JMY: variants seen among roughly 807,000 people sequenced by gnomAD.
The protein encoded by JMY is junction-mediating and -regulatory protein.
JMY carries 46 observed loss-of-function variants against 103.3 expected under a neutral mutation model. That is an observed-to-expected ratio of 0.45 (90% CI 0.35 to 0.57). JMY has a LOEUF of 0.57. JMY is among the 20% of genes least tolerant of loss of function. The pLI is 0.00. For synonymous variants in JMY, 526 were observed against 489.3 expected (o/e 1.07, Z -0.99); for missense variants, 1,238 against 1,255.2 (o/e 0.99, Z 0.21).
chr5:79,284,839 T>C, intron 2 of JMY: 9 of 1,574,496 alleles, frequency 5.7e-6, no homozygotes, highest in Non-Finnish European at 7.8e-6. Flanking sequence ...CCAATCTTTC[T>C]TAGAAAATGG....
intron 4 of JMY, among the ~76,000 whole-genome samples, chr5:79,292,114 A>C (rs1436814134): frequency 2.0e-5 from 3 of 152,136 alleles, no homozygotes; most frequent in Non-Finnish European, 2.9e-5. Context: ...AACTTGGCTT[A>C]TCCGGGAAAT....
chr5:79,284,403 G>A (rs554896464), intron 2 of JMY: 16 of 1,388,474 alleles, frequency 1.2e-5, no homozygotes, highest in Admixed American at 3.3e-5. Flanking sequence ...TGCACCTCTC[G>A]GGTCATGATT....
At chr5:79,250,723 A>G (rs1177386943) in intron 1 of JMY, among the ~76,000 whole-genome samples, 1 of 146,606 alleles carries the variant, frequency 6.8e-6, no homozygotes, top group Non-Finnish European at 1.5e-5. Flanking sequence ...ACACTTCACT[A>G]GAAATTTTAC....
intron 1 of JMY, among the ~76,000 whole-genome samples, chr5:79,249,600 G>A (rs980313519): frequency 1.3e-5 from 2 of 152,118 alleles, no homozygotes; most frequent in Non-Finnish European, 2.9e-5. Flanking sequence ...ATGAATGGAG[G>A]AACAGGTATT....
chr5:79,320,836 T>A (rs1747427171), intron 10 of JMY, among the ~76,000 whole-genome samples: 1 of 152,218 alleles, frequency 6.6e-6, no homozygotes, highest in Non-Finnish European at 1.5e-5. Context: ...TTTTTCACAC[T>A]AAGTCTTCAA....
intron 1 of JMY, among the ~76,000 whole-genome samples, chr5:79,240,419 T>G (rs1189985655): frequency 6.6e-6 from 1 of 152,048 alleles, no homozygotes; most frequent in Non-Finnish European, 1.5e-5. Context: ...CAAGCAGTTC[T>G]CCTTGCTCAG....
Position 79,276,112 on chromosome 5 carries a change from A to G in JMY, c.1033-1798A>G, listed in dbSNP as rs80085753. Reference sequence around the variant, plus strand: ...TCTGTATTAGTTCTTTTCATTTGTTATTTTTATGTATTTACTTGCCTTTTG... The same window carrying G: ...TCTGTATTAGTTCTTTTCATTTGTTGTTTTTATGTATTTACTTGCCTTTTG... On this transcript the variant is annotated intron_variant, in intron 1 of 10. Transcript: ENST00000396137. 1.2e-4 allele frequency among the ~76,000 whole-genome samples: 18 copies of G among 152,132 alleles called. No homozygotes were observed. The East Asian group carries it at 3.5e-3, about 29-fold the overall frequency.
intron 8 of JMY, 46 bp downstream of exon 8, chr5:79,312,544 T>C: frequency 1.7e-6 from 2 of 1,143,588 alleles, no homozygotes; most frequent in Non-Finnish European, 2.5e-6. Context: ...TTTTTTTTTT[T>C]TTTAACAGAG....
chr5:79,291,404 A>G, intron 4 of JMY, 105 bp downstream of exon 4: 1 of 934,270 alleles, frequency 1.1e-6, no homozygotes, highest in Non-Finnish European at 1.6e-6. Flanking sequence ...ATTTTATGCC[A>G]TCTTCATGAG....
rs1744516225 is a variant in JMY, at chr5:79,236,772, A to G, written c.122A>G (p.Lys41Arg). The G allele has an allele frequency of 4.0e-6, 6 of 1,512,078 alleles. No homozygotes were observed. The highest frequency in any genetic ancestry group is 5.3e-6 in the Non-Finnish European group (6 of 1,128,768). The allele number at this position is 1,512,078 out of a possible 1,614,324, so 93.7% of individuals were successfully genotyped here. Residue 41 changes from lysine to arginine, a missense_variant, in exon 1 of 11, where the codon AAG (lysine) becomes AGG (arginine). By Grantham distance (26) the Lys-to-Arg change is conservative. Transcript: ENST00000396137. The part of the protein sequence containing the change: ...FIVAWNEIEG[K>R]FAITCHNRTA... The stretch of plus-strand genomic sequence containing the variant: ...GTGGCCTGGAACGAGATTGAGGGCA[A>G]GTTTGCCATAACCTGCCACAACCGG...
chr5:79,292,202 A>G (rs965683916), intron 4 of JMY, among the ~76,000 whole-genome samples: 34 of 152,206 alleles, frequency 2.2e-4, no homozygotes, highest in African/African-American at 7.9e-4. Flanking sequence ...TTTCTACTAT[A>G]ATATCCTTTT....
intron 1 of JMY, among the ~76,000 whole-genome samples, chr5:79,241,834 C>T (rs1458664506): frequency 6.6e-6 from 1 of 152,144 alleles, no homozygotes; most frequent in East Asian, 1.9e-4. Flanking sequence ...GACACTGAAT[C>T]AGTCCTTAAA....
intron 8 of JMY, 31 bp downstream of exon 8, chr5:79,312,529 T>TTA: frequency 8.1e-7 from 1 of 1,242,016 alleles, no homozygotes; most frequent in Non-Finnish European, 1.1e-6. Flanking sequence ...TTTATTGTTT[T>TTA]TCTTTTTTTT....
chr5:79,276,633 A>C (rs1161857529), intron 1 of JMY, among the ~76,000 whole-genome samples: 1 of 151,636 alleles, frequency 6.6e-6, no homozygotes, highest in Non-Finnish European at 1.5e-5. Context: ...TTTTGAGACG[A>C]GTCTCACTCT....
intron 2 of JMY, among the ~76,000 whole-genome samples, chr5:79,285,412 G>T (rs1483343501): frequency 6.6e-6 from 1 of 152,066 alleles, no homozygotes; most frequent in East Asian, 1.9e-4. Context: ...CCCTTGGCTG[G>T]GTGCTATTTA....
chr5:79,318,514 T>A (rs2112124830), intron 10 of JMY, among the ~76,000 whole-genome samples: 2 of 152,264 alleles, frequency 1.3e-5, no homozygotes, highest in Admixed American at 1.3e-4. Flanking sequence ...AGGTAAATAT[T>A]CCTGTAGTAC....
chr5:79,243,216 G>A (rs927504149), intron 1 of JMY, among the ~76,000 whole-genome samples: 1 of 152,116 alleles, frequency 6.6e-6, no homozygotes, highest in African/African-American at 2.4e-5. Flanking sequence ...TGTTTAACAG[G>A]TGTCCTCCCA....
At position 79,312,406 on chromosome 5, in the gene JMY, A is replaced by C; in HGVS notation, c.1972A>C (p.Arg658=). The change falls in exon 8 of 11, where the codon AGA becomes CGA. Residue 658 remains arginine, a synonymous_variant. Transcript: ENST00000396137. The part of the protein sequence containing the change: ...YRTHHTVQLK[R]EKLHDEEERK... Reference sequence around the variant, plus strand: ...ATTATTATTAATTTTTTACCAGAAGAGAGAAAAATTACATGATGAAGAAGA... The same window carrying C: ...ATTATTATTAATTTTTTACCAGAAGCGAGAAAAATTACATGATGAAGAAGA... 1 of 1,542,004 alleles carries C rather than the reference A, an allele frequency of 6.5e-7. No homozygotes were observed. The highest frequency in any genetic ancestry group is 1.7e-4 in the Middle Eastern group (1 of 5,826).
intron 1 of JMY, among the ~76,000 whole-genome samples, chr5:79,244,711 A>G (rs1024300971): frequency 6.6e-6 from 1 of 151,820 alleles, no homozygotes; most frequent in Non-Finnish European, 1.5e-5. Context: ...TCACTCTCTA[A>G]AAGGCCAGGA....
Sources: gnomAD v4.1 joint callset for allele counts (sites outside exome capture counted in the v4.1 genomes callset) on GRCh38, gnomAD v4.1.1 for gene constraint, MANE v1.5 for transcripts, NCBI Gene and HGNC (gene_info 2026-07-23, HGNC 2026-07-21) for gene names.